Variants in PJA1 observed in about 807,000 individuals in gnomAD.
PJA1 encodes praja ring finger ubiquitin ligase 1.
PJA1 carries 5 observed loss-of-function variants against 14.1 expected under a neutral mutation model. The ratio of observed to expected loss-of-function variants is 0.35; its 90% CI spans 0.18 to 0.74. The LOEUF (loss-of-function observed/expected upper bound fraction) is 0.74, where lower values mean the gene tolerates loss of function less well. Among genes scored for constraint, PJA1 ranks in the 30% least tolerant of loss-of-function variants. The pLI is 0.56. For missense variants in PJA1, 394 were observed against 482.6 expected, an observed-to-expected ratio of 0.82 and a Z score of 1.72; for synonymous variants, 174 against 190.9, an observed-to-expected ratio of 0.91 and a Z score of 0.73.
chrX:69,164,226 TGGA>T (rs750004527), intron 1 of PJA1, among the ~76,000 whole-genome samples: 1 of 108,092 alleles, frequency 9.3e-6, no homozygotes, highest in South Asian at 4.2e-4. Flanking sequence ...CCTGCCTGTG[TGGA>T]TATGGCAAGC....
Position 69,161,963 on chromosome X carries a change from C to T in PJA1, c.1111G>A (p.Gly371Arg). ...CCAGCACTGGCCCCGGCGCCAGCCC[C>T]GGCACTGGCACTAGCACCGGGGCCA... is the stretch of plus-strand genomic sequence containing the variant. ...SPGPGASASA[G>R]AGAGASAGSN... Residue 371 changes from glycine to arginine, a missense_variant, in exon 2 of 2, where the codon GGG becomes AGG. Around this residue, in one of 2 missense-constraint regions of PJA1, gnomAD observed 378 missense variants for 439.3 expected, o/e 0.86. Transcript: ENST00000374571. 7 of 1,210,196 alleles carry T rather than the reference C, an allele frequency of 5.8e-6. No homozygotes were observed. Among genetic ancestry groups the T allele is most frequent in the Admixed American group, 2.2e-5 (1 of 46,002 alleles).
intron 1 of PJA1, among the ~76,000 whole-genome samples, chrX:69,164,840 G>A (rs990861202): frequency 9.0e-6 from 1 of 111,110 alleles, no homozygotes; most frequent in African/African-American, 3.3e-5. Context: ...AGGGGAGAGG[G>A]AAAATGAAAG....
chrX:69,163,306 C>T (rs867815693), intron 1 of PJA1, 166 bp from the exon 2 acceptor site: 11 of 1,067,160 alleles, frequency 1.0e-5, no homozygotes, highest in Middle Eastern at 2.7e-4. Context: ...TCCCTGCACA[C>T]GTTTTTGAGA....
At position 69,162,642 on chromosome X, in the gene PJA1, T is replaced by C; in HGVS notation, c.432A>G (p.Pro144=). ...ACGACTGTGAGGCCACACTACTTTG[T>C]GGCAGGAAGTCAGCTCTGCTAGCTG... ...RCSASRADFL[P]QSSVASQSSS... Residue 144 remains proline, a synonymous_variant, in exon 2 of 2, where the codon CCA becomes CCG. Transcript: ENST00000374571. 8.3e-7 allele frequency: 1 copy of C among 1,211,070 alleles called. No individual in the cohort carries two copies. The highest frequency in any genetic ancestry group is 1.1e-6 in the Non-Finnish European group (1 of 895,232).
intron 1 of PJA1, among the ~76,000 whole-genome samples, chrX:69,164,568 G>A (rs1245438164): frequency 9.2e-6 from 1 of 108,142 alleles, no homozygotes; most frequent in African/African-American, 3.4e-5. Context: ...TAGGCGGATA[G>A]AGGAGGGGGA....
rs147885185 is a variant in PJA1 at position 69,162,356 on chromosome X, T to C, written c.718A>G (p.Asn240Asp). ...HSTSRWRDTA[N>D]DNEGHSDGLA... ...CCATCCGAGTGGCCCTCATTGTCAT[T>C]GGCGGTATCCCTCCACCTGGAAGTA... The change falls in exon 2 of 2, where the codon AAT becomes GAT. Residue 240 changes from asparagine to aspartate, a missense_variant. This residue lies in a region of PJA1 where 378 missense variants were observed against 439.3 expected (regional missense o/e 0.86). Coordinates refer to ENST00000374571, the MANE Select transcript of PJA1 (RefSeq NM_001032396.4). 8.3e-7 allele frequency: 1 copy of C among 1,208,943 alleles called. No homozygotes were observed. Among genetic ancestry groups the C allele is most frequent in the African/African-American group, 1.8e-5 (1 of 56,770 alleles).
Position 69,161,380 on chromosome X carries a change from G to A in PJA1, c.1694C>T (p.Pro565Leu). The change falls in exon 2 of 2, where the codon CCG (proline) becomes CTG (leucine). Residue 565 changes from proline (P) to leucine (L), a missense_variant. Transcript: ENST00000374571. The part of the protein sequence containing the change: ...ELPCHHYFHK[P>L]CVSIWLQKSG... ...CTTCTGAAGCCAGATGGACACACAC[G>A]GCTTGTGGAAATAGTGGTGGCACGG... 3 of 1,208,172 alleles carry A rather than the reference G, an allele frequency of 2.5e-6. No individual in the cohort carries two copies. Among genetic ancestry groups the A allele is most frequent in the Non-Finnish European group, 2.2e-6 (2 of 893,361 alleles).
In PJA1 at chrX:69,162,098, T is replaced by C; in HGVS notation, c.976A>G (p.Ser326Gly). The part of the protein sequence containing the change: ...WIAALRRKYR[S>G]REQTLSSSGE... ...CTGGAGGACAGGGTTTGCTCTCGGC[T>C]TCGATATTTCCGACGCAGAGCAGCA... The change falls in exon 2 of 2, where the codon AGC becomes GGC. Residue 326 changes from serine (S) to glycine (G), a missense_variant. Transcript: ENST00000374571. The C allele has an allele frequency of 8.3e-7, 1 of 1,211,218 alleles. No individual in the cohort carries two copies. Among genetic ancestry groups the C allele is most frequent in the South Asian group, 1.8e-5 (1 of 56,885 alleles).
chrX:69,164,652 G>T (rs999474818), intron 1 of PJA1, among the ~76,000 whole-genome samples: 1 of 103,569 alleles, frequency 9.7e-6, no homozygotes, highest in Non-Finnish European at 2.0e-5. Flanking sequence ...ATGCGCGGGG[G>T]AGGGGAAGCA....
chrX:69,165,144 G>A (rs186887510), intron 1 of PJA1, among the ~76,000 whole-genome samples: 1 of 111,483 alleles, frequency 9.0e-6, no homozygotes, highest in Non-Finnish European at 1.9e-5. Flanking sequence ...AAGGGGTTCC[G>A]GCAGCGGAAG....
chrX:69,160,896 G>A lies in PJA1; in HGVS notation c.*411C>T. 7.9e-6 allele frequency: 1 copy of A among 125,992 alleles called. No homozygotes were observed. Among genetic ancestry groups the A allele is most frequent in the Non-Finnish European group, 1.6e-5 (1 of 62,348 alleles). 10.4% of individuals were successfully genotyped at this position (125,992 alleles called of 1,213,427 possible). A position where few individuals can be genotyped will look rare whatever the true frequency, so the allele number is the denominator to read the frequency against. On this transcript the variant is annotated 3_prime_UTR_variant, in exon 2 of 2. Transcript: ENST00000374571. ...AGAACAACTTTAATAAGCTTTTACGGCACTGCAATTACAGGAACATCGACC... is the reference window on the plus strand; with the variant it reads ...AGAACAACTTTAATAAGCTTTTACGACACTGCAATTACAGGAACATCGACC...
intron 1 of PJA1, 96 bp from the exon 2 acceptor site, chrX:69,163,236 C>T (rs1925135430): frequency 8.3e-7 from 1 of 1,200,868 alleles, no homozygotes; most frequent in African/African-American, 1.8e-5. Context: ...ATTCCTGACC[C>T]ATCACTCTGA....
rs1455646006 is a variant in PJA1, at chrX:69,161,205, CTGAT to C, written c.*98_*101del. Reference sequence around the variant, plus strand: ...GAATCAATAGGTTTAGGCTAACTGACTGATTGGTTTTATTTCCATTGTTAATTTC... The same window carrying C: ...GAATCAATAGGTTTAGGCTAACTGACTGGTTTTATTTCCATTGTTAATTTC... On this transcript the variant is annotated 3_prime_UTR_variant, in exon 2 of 2. Transcript: ENST00000374571. 3.8e-6 allele frequency: 4 copies of C among 1,045,373 alleles called. No individual in the cohort carries two copies. The Admixed American group carries it at 1.2e-4, about 32-fold the overall frequency. 86.2% of individuals were successfully genotyped at this position (1,045,373 alleles called of 1,213,427 possible). A position where few individuals can be genotyped will look rare whatever the true frequency, so the allele number is the denominator to read the frequency against.
Position 69,162,492 on chromosome X carries a change from C to A in PJA1, c.582G>T (p.Lys194Asn). The A allele has an allele frequency of 1.7e-6, 2 of 1,211,922 alleles. No homozygotes were observed. ...SICGGGENTS[K>N]SAEEPVVRPK... is the part of the protein sequence containing the mutation. ...GCCTGACCACAGGTTCCTCTGCACT[C>A]TTTGAGGTGTTTTCCCCACCACCAC... is the stretch of plus-strand genomic sequence containing the variant. The change falls in exon 2 of 2, where the codon AAG becomes AAT. Residue 194 changes from lysine to asparagine, a missense_variant. This residue lies in a region of PJA1 where 378 missense variants were observed against 439.3 expected (regional missense o/e 0.86). Coordinates refer to ENST00000374571, the MANE Select transcript of PJA1 (RefSeq NM_001032396.4).
At position 69,162,379 on chromosome X, in the gene PJA1, G is replaced by A; in HGVS notation, c.695C>T (p.Thr232Ile). ...TDDDDDMPHS[T>I]SRWRDTANDN... ...ATTGGCGGTATCCCTCCACCTGGAAGTACTGTGTGGCATATCGTCATCATC... is the reference window on the plus strand; with the variant it reads ...ATTGGCGGTATCCCTCCACCTGGAAATACTGTGTGGCATATCGTCATCATC... Residue 232 changes from threonine to isoleucine, a missense_variant, in exon 2 of 2, where the codon ACT becomes ATT. Transcript: ENST00000374571. The A allele has an allele frequency of 8.3e-7, 1 of 1,211,133 alleles. No individual in the cohort carries two copies. Among genetic ancestry groups the A allele is most frequent in the Non-Finnish European group, 1.1e-6 (1 of 895,454 alleles).
Position 69,161,719 on chromosome X carries a change from AG to A in PJA1, c.1354del (p.Leu452Ter). ...ATCAAAGAGGCTCCAATCCACTTCTAGGTCTTCGCTCACACTGGAGTCATCT... is the reference window on the plus strand; with the variant it reads ...ATCAAAGAGGCTCCAATCCACTTCTAGTCTTCGCTCACACTGGAGTCATCT... Reference protein sequence around the residue: ...LEDDSSVSEDLEVDWSLFDGF... With the variant: ...LEDDSSVSEDXEVDWSLFDGF... On this transcript the variant is annotated frameshift_variant, in exon 2 of 2. Transcript: ENST00000374571. LOFTEE classifies it high-confidence loss of function. 8.3e-7 allele frequency: 1 copy of A among 1,211,455 alleles called. No homozygotes were observed.
Position 69,162,905 on chromosome X carries a change from C to G in PJA1, c.169G>C (p.Gly57Arg), listed in dbSNP as rs1925117640. The G allele has an allele frequency of 8.3e-7, 1 of 1,209,433 alleles. No homozygotes were observed. Among genetic ancestry groups the G allele is most frequent in the African/African-American group, 1.8e-5 (1 of 56,951 alleles). ...GAGTCAATATGTCCATAGGCCATTCCTCTTCTGCTACCCGAAGCTCTGTAC... is the reference window on the plus strand; with the variant it reads ...GAGTCAATATGTCCATAGGCCATTCGTCTTCTGCTACCCGAAGCTCTGTAC... ...REYRASGSRRGMAYGHIDSYG... is the reference protein window; with the variant it reads ...REYRASGSRRRMAYGHIDSYG... The change falls in exon 2 of 2, where the codon GGA (glycine) becomes CGA (arginine). Residue 57 changes from glycine to arginine, a missense_variant. This residue lies in a region of PJA1 where 378 missense variants were observed against 439.3 expected (regional missense o/e 0.86). Transcript: ENST00000374571.
chrX:69,161,956 C>G lies in PJA1; in HGVS notation c.1118G>C (p.Gly373Ala), dbSNP rs1305786695. The change falls in exon 2 of 2, where the codon GGC (glycine) becomes GCC (alanine). Residue 373 changes from glycine to alanine, a missense_variant. Physicochemically the swap from Gly to Ala is moderately conservative, Grantham distance 60 (BLOSUM62 0). Around this residue, in one of 2 missense-constraint regions of PJA1, gnomAD observed 378 missense variants for 439.3 expected, o/e 0.86. Transcript: ENST00000374571. ...ATTGCTGCCAGCACTGGCCCCGGCGCCAGCCCCGGCACTGGCACTAGCACC... is the reference window on the plus strand; with the variant it reads ...ATTGCTGCCAGCACTGGCCCCGGCGGCAGCCCCGGCACTGGCACTAGCACC... ...GPGASASAGA[G>A]AGASAGSNGS... The G allele has an allele frequency of 6.6e-6, 8 of 1,210,247 alleles. No homozygotes were observed. The South Asian group carries it at 1.4e-4, about 21-fold the overall frequency.
chrX:69,163,466 C>A (rs1925143331), intron 1 of PJA1: 2 of 376,795 alleles, frequency 5.3e-6, no homozygotes, highest in Non-Finnish European at 4.7e-6. Flanking sequence ...CAGGTGTAGA[C>A]CTGGAACACA....
Sources: gnomAD v4.1 joint callset for allele counts (sites outside exome capture counted in the v4.1 genomes callset) on GRCh38, gnomAD v4.1.1 for gene constraint, gnomAD v4.1.1 regional missense constraint, MANE v1.5 for transcripts, NCBI Gene and HGNC (gene_info 2026-07-23, HGNC 2026-07-21) for gene names.